BIRC6: variants seen among roughly 807,000 people sequenced by gnomAD.
BIRC6 encodes dual E2 ubiquitin-conjugating enzyme/E3 ubiquitin-protein ligase BIRC6.
BIRC6 carries 98 observed loss-of-function variants against 503.3 expected under a neutral mutation model. The observed-to-expected ratio is 0.19, with a 90% CI of 0.17 to 0.23. The LOEUF (loss-of-function observed/expected upper bound fraction) is 0.23, where lower values mean the gene tolerates loss of function less well. Among genes scored for constraint, BIRC6 ranks in the 10% least tolerant of loss-of-function variants. BIRC6 has a pLI of 1.00. For missense variants in BIRC6, 5,360 were observed against 5,806.0 expected, an observed-to-expected ratio of 0.92 and a Z score of 2.50; for synonymous variants, 2,240 against 2,078.7, an observed-to-expected ratio of 1.08 and a Z score of -2.11.
rs980845074 is a variant in BIRC6 at position 32,493,768 on chromosome 2, A to G, written c.8468+101A>G. The G allele has an allele frequency of 1.1e-5, 11 of 977,302 alleles. No homozygotes were observed. In the African/African-American group the frequency reaches 1.5e-4, roughly 13 times the overall value. 60.5% of individuals were successfully genotyped at this position (977,302 alleles called of 1,614,324 possible). ...TTGTTGGGAATTTATCTGTGAACAA[A>G]TAAGCAGGAGGACGGTAGTAATTAA... is the stretch of plus-strand genomic sequence containing the variant. On this transcript the variant is annotated intron_variant, in intron 45 of 73. Transcript: ENST00000421745.
At chr2:32,467,479 GTTAA>G in intron 26 of BIRC6, 42 bp from the exon 27 acceptor site, 1 of 1,434,670 alleles carries the variant, frequency 7.0e-7, no homozygotes, top group Non-Finnish European at 9.8e-7. Flanking sequence ...GTATCATTTG[GTTAA>G]TTGATATATT....
intron 1 of BIRC6, among the ~76,000 whole-genome samples, chr2:32,359,688 C>T (rs1403686463): frequency 6.6e-6 from 1 of 152,138 alleles, no homozygotes; most frequent in African/African-American, 2.4e-5. Context: ...TGGATGCATT[C>T]TGAAACATTT....
At chr2:32,541,619 A>C (rs1218031405) in intron 61 of BIRC6, among the ~76,000 whole-genome samples, 1 of 152,140 alleles carries the variant, frequency 6.6e-6, no homozygotes, top group African/African-American at 2.4e-5. Flanking sequence ...CTCTGTGATT[A>C]GCTCACTATT....
At chr2:32,603,159 A>C in intron 71 of BIRC6, 76 bp downstream of exon 71, 1 of 1,059,476 alleles carries the variant, frequency 9.4e-7, no homozygotes, top group Non-Finnish European at 1.4e-6. Flanking sequence ...TTTAGTGACC[A>C]AGAATAAATA....
rs61754203 is a variant in BIRC6 at position 32,549,487 on chromosome 2, T to G, written c.13144+6T>G. The G allele has an allele frequency of 0.015, 21,609 of 1,422,442 alleles. 761 individuals carry two copies. Among genetic ancestry groups the G allele is most frequent in the African/African-American group, 0.13 (9,442 of 70,686 alleles). The allele number at this position is 1,422,442 out of a possible 1,614,324, so 88.1% of individuals were successfully genotyped here. ...TTATCTACGAAATGATTCAGGTAAA[T>G]AATCCCTGTAAATGTGTCTGTGGAT... On this transcript the variant is annotated splice_donor_region_variant and intron_variant, in intron 65 of 73. Transcript: ENST00000421745.
At chr2:32,464,036 C>A (rs2048270960) in intron 24 of BIRC6, among the ~76,000 whole-genome samples, 1 of 152,140 alleles carries the variant, frequency 6.6e-6, no homozygotes, top group Admixed American at 6.5e-5. Flanking sequence ...ACAGTTTCAT[C>A]CCGAAACCAG....
At chr2:32,537,459 C>G (rs1294013551) in intron 61 of BIRC6, among the ~76,000 whole-genome samples, 1 of 152,104 alleles carries the variant, frequency 6.6e-6, no homozygotes, top group Non-Finnish European at 1.5e-5. Context: ...TTAAGAAACT[C>G]ACTACAATTT....
chr2:32,523,138 T>C (rs529198241), intron 57 of BIRC6: 1 of 152,118 alleles, frequency 6.6e-6, no homozygotes, highest in South Asian at 2.1e-4. Context: ...CTGATCCTTA[T>C]AATTCCAGAA....
intron 72 of BIRC6, among the ~76,000 whole-genome samples, chr2:32,610,150 G>A (rs918385541): frequency 1.3e-5 from 2 of 152,148 alleles, no homozygotes; most frequent in Non-Finnish European, 1.5e-5. Context: ...TGGTGGGATC[G>A]TATTGGTGTT....
chr2:32,473,326 G>T (rs1558827596), intron 33 of BIRC6, 87 bp downstream of exon 33: 1 of 1,134,132 alleles, frequency 8.8e-7, no homozygotes, highest in East Asian at 2.7e-5. Flanking sequence ...CAGATGTGAG[G>T]TATAACATTT....
rs1363476633 is a variant in BIRC6, at chr2:32,446,620, TTG to T, written c.4484+953_4484+954del. Among the ~76,000 whole-genome samples, 8 of 152,172 alleles carry T rather than the reference TTG, an allele frequency of 5.3e-5. No homozygotes were observed. In the East Asian group the frequency reaches 1.3e-3, roughly 26 times the overall value. The stretch of plus-strand genomic sequence containing the variant: ...TCTTAGTACCTTAGTTGCCAGCTTA[TTG>T]GAATCACATTTGTTGAGTCTCTGGA... On this transcript the variant is annotated intron_variant, in intron 21 of 73. Transcript: ENST00000421745.
intron 1 of BIRC6, among the ~76,000 whole-genome samples, chr2:32,371,029 A>G (rs1573709238): frequency 6.6e-6 from 1 of 152,018 alleles, no homozygotes; most frequent in East Asian, 1.9e-4. Flanking sequence ...CCTGGGCAAC[A>G]TGGCAAAACC....
intron 70 of BIRC6, among the ~76,000 whole-genome samples, chr2:32,600,124 G>A (rs2061953409): frequency 6.6e-6 from 1 of 152,144 alleles, no homozygotes; most frequent in African/African-American, 2.4e-5. Context: ...AAGTTACTCG[G>A]GGACTTAACG....
chr2:32,430,684 C>A (rs1345434846), intron 11 of BIRC6, among the ~76,000 whole-genome samples, 181 bp from the exon 12 acceptor site: 1 of 151,856 alleles, frequency 6.6e-6, no homozygotes, highest in East Asian at 1.9e-4. Flanking sequence ...TATTTTTTAG[C>A]CAGAGTTAGT....
At chr2:32,455,535 G>A (rs2047166759) in intron 23 of BIRC6, among the ~76,000 whole-genome samples, 1 of 152,186 alleles carries the variant, frequency 6.6e-6, no homozygotes, top group African/African-American at 2.4e-5. Flanking sequence ...GCTGAGGTAC[G>A]AGAATTGCTT....
rs73922762 is a variant in BIRC6, at chr2:32,593,720, C to G, written c.13356-195C>G. On this transcript the variant is annotated intron_variant, in intron 66 of 73. Coordinates refer to ENST00000421745, the MANE Select transcript of BIRC6 (RefSeq NM_016252.4). ...AGTATGACATTTATATAATGTCTGT[C>G]TCTTCTCTGATTTTATATTAGAAGG... 7.8e-3 allele frequency among the ~76,000 whole-genome samples: 1,194 copies of G among 152,214 alleles called. 17 individuals are homozygous for G. Among genetic ancestry groups the G allele is most frequent in the African/African-American group, 0.027 (1,123 of 41,540 alleles).
chr2:32,593,952 G>C lies in BIRC6; in HGVS notation c.13393G>C (p.Asp4465His). 4.3e-6 allele frequency: 7 copies of C among 1,613,426 alleles called. No homozygotes were observed. The highest frequency in any genetic ancestry group is 5.9e-6 in the Non-Finnish European group (7 of 1,179,574). ...RENVKTGVKP[D>H]ASDQEPEGLT... ...AAATGTTAAAACAGGAGTAAAACCA[G>C]ATGCGTCTGATCAAGAACCAGAAGG... Residue 4465 changes from aspartate to histidine, a missense_variant, in exon 67 of 74, where the codon GAT (aspartate) becomes CAT (histidine). By Grantham distance (81) the Asp-to-His change is moderately conservative. This residue lies in a region of BIRC6 where 477 missense variants were observed against 574.4 expected (regional missense o/e 0.83). Coordinates refer to ENST00000421745, the MANE Select transcript of BIRC6 (RefSeq NM_016252.4).
In BIRC6 at chr2:32,575,053, A is replaced by T. The variant is rs568580074; in HGVS notation, c.13145-103A>T. The T allele has an allele frequency of 7.9e-5, 99 of 1,247,912 alleles. No homozygotes were observed. In the East Asian group the frequency reaches 2.2e-3, roughly 28 times the overall value. The allele number at this position is 1,247,912 out of a possible 1,614,324, so 77.3% of individuals were successfully genotyped here. A position where few individuals can be genotyped will look rare whatever the true frequency, so the allele number is the denominator to read the frequency against. On this transcript the variant is annotated intron_variant, in intron 65 of 73. Coordinates refer to ENST00000421745, the MANE Select transcript of BIRC6 (RefSeq NM_016252.4). ...CTGAACCAGCGTGCCCAGCCGGGTC[A>T]GCTGTGGACCTTGGTAAGATCCAGG...
At chr2:32,486,921 T>C (rs774620866) in intron 40 of BIRC6, among the ~76,000 whole-genome samples, 3 of 152,314 alleles carry the variant, frequency 2.0e-5, no homozygotes, top group Middle Eastern at 3.4e-3. Flanking sequence ...GATAACTCGG[T>C]ACTGCCCAAA....
Sources: gnomAD v4.1 joint callset for allele counts (sites outside exome capture counted in the v4.1 genomes callset) on GRCh38, gnomAD v4.1.1 for gene constraint, gnomAD v4.1.1 regional missense constraint, MANE v1.5 for transcripts, NCBI Gene and HGNC (gene_info 2026-07-23, HGNC 2026-07-21) for gene names.